OTUD7A: variants seen among roughly 807,000 people sequenced by gnomAD.
OTUD7A encodes the protein OTU deubiquitinase 7A, also known as OTU domain-containing protein 7A.
OTUD7A carries 12 observed loss-of-function variants against 65.7 expected under a neutral mutation model. The observed-to-expected ratio is 0.18, with a 90% CI of 0.12 to 0.30. OTUD7A has a LOEUF of 0.30. Among genes scored for constraint, OTUD7A ranks in the 10% least tolerant of loss-of-function variants. The pLI, the probability that OTUD7A is intolerant of heterozygous loss-of-function variation, is 1.00. For synonymous variants in OTUD7A, 641 were observed against 586.3 expected (o/e 1.09, Z -1.35); for missense variants, 1,148 against 1,304.8 (o/e 0.88, Z 1.85).
chr15:31,593,793 G>T (rs1302764386), intron 3 of OTUD7A, among the ~76,000 whole-genome samples: 1 of 152,186 alleles, frequency 6.6e-6, no homozygotes, highest in African/African-American at 2.4e-5. Flanking sequence ...AGAAATAAAT[G>T]AATTCAGTGG....
At chr15:31,818,046 C>T (rs1896593856) in intron 1 of OTUD7A, among the ~76,000 whole-genome samples, 1 of 152,180 alleles carries the variant, frequency 6.6e-6, no homozygotes, top group African/African-American at 2.4e-5. Flanking sequence ...CCCGTTTGCC[C>T]TTCTATCTCC....
chr15:31,523,578 T>A (rs2041967646), intron 8 of OTUD7A, among the ~76,000 whole-genome samples: 1 of 152,160 alleles, frequency 6.6e-6, no homozygotes, highest in East Asian at 1.9e-4. Context: ...CCTCCCTGAA[T>A]CCATGCCTGG....
rs894341568 is a variant in OTUD7A, at chr15:31,483,835, C to T, written c.2261G>A (p.Gly754Glu). Residue 754 changes from glycine (G) to glutamate (E), a missense_variant, in exon 13 of 13, where the codon GGA (glycine) becomes GAA (glutamate). Coordinates refer to ENST00000307050, the MANE Select transcript of OTUD7A (RefSeq NM_001382637.1). The stretch of plus-strand genomic sequence containing the variant: ...GCTGGCGCTCGCACGCCGCGCGCCT[C>T]CCCCCGGGGAGGCCGTGCCGCCCGC... Reference protein sequence around the residue: ...AAAGGTASPGGGARRASASGP... With the variant: ...AAAGGTASPGEGARRASASGP... 7 of 984,296 alleles carry T rather than the reference C, an allele frequency of 7.1e-6. No individual in the cohort carries two copies. Among genetic ancestry groups the T allele is most frequent in the African/African-American group, 1.8e-5 (1 of 56,020 alleles). 61.0% of individuals were successfully genotyped at this position (984,296 alleles called of 1,614,324 possible).
intron 5 of OTUD7A, among the ~76,000 whole-genome samples, chr15:31,552,105 A>G (rs965484093): frequency 1.3e-5 from 2 of 152,132 alleles, no homozygotes; most frequent in Admixed American, 6.5e-5. Flanking sequence ...GATTGTTAAA[A>G]AGAGTCTGGC....
chr15:31,506,784 G>A (rs1163259012), intron 8 of OTUD7A, among the ~76,000 whole-genome samples: 1 of 152,208 alleles, frequency 6.6e-6, no homozygotes, highest in Non-Finnish European at 1.5e-5. Context: ...GTGCAAGCTG[G>A]ATTGTCCTCA....
intron 3 of OTUD7A, among the ~76,000 whole-genome samples, chr15:31,644,232 C>T (rs1387443344): frequency 6.6e-6 from 1 of 152,126 alleles, no homozygotes; most frequent in Non-Finnish European, 1.5e-5. Flanking sequence ...TTATAAAAAC[C>T]CTTGCATTTC....
At position 31,531,286 on chromosome 15, in the gene OTUD7A, G is replaced by C. The variant is rs986876631; in HGVS notation, c.551-478C>G. ...TTTACATTTAGAGACTTCCACTTCA[G>C]GGAAGATAGATCAGATGTACTTTTT... On this transcript the variant is annotated intron_variant, in intron 5 of 12. Transcript: ENST00000307050. 2.0e-5 allele frequency among the ~76,000 whole-genome samples: 3 copies of C among 151,998 alleles called. No individual in the cohort carries two copies. The East Asian group carries it at 5.8e-4, about 29-fold the overall frequency.
intron 1 of OTUD7A, among the ~76,000 whole-genome samples, chr15:31,790,561 A>G (rs1304998665): frequency 6.6e-6 from 1 of 152,238 alleles, no homozygotes; most frequent in African/African-American, 2.4e-5. Flanking sequence ...AGAAAACAAA[A>G]CAGCTCCCTG....
chr15:31,849,462 C>A (rs1897367666), intron 1 of OTUD7A, among the ~76,000 whole-genome samples: 1 of 152,102 alleles, frequency 6.6e-6, no homozygotes, highest in Non-Finnish European at 1.5e-5. Flanking sequence ...AGAAGAAAAC[C>A]TAGGCAATAC....
intron 1 of OTUD7A, among the ~76,000 whole-genome samples, chr15:31,834,262 T>C (rs1402362943): frequency 6.6e-6 from 1 of 152,176 alleles, no homozygotes; most frequent in African/African-American, 2.4e-5. Context: ...TTCTGCCAAC[T>C]GCCTGGAACA....
chr15:31,511,819 C>T (rs192029596), intron 8 of OTUD7A, among the ~76,000 whole-genome samples: 24 of 148,084 alleles, frequency 1.6e-4, no homozygotes, highest in African/African-American at 5.1e-4. Context: ...GGTTCAACTC[C>T]TCCCCCATGG....
intron 3 of OTUD7A, among the ~76,000 whole-genome samples, chr15:31,572,892 G>A (rs779831000): frequency 6.6e-6 from 1 of 151,062 alleles, no homozygotes; most frequent in Non-Finnish European, 1.5e-5. Context: ...ACCGAGTATA[G>A]GTAAAAAAAT....
chr15:31,593,302 C>G (rs1889805637), intron 3 of OTUD7A, among the ~76,000 whole-genome samples: 3 of 151,862 alleles, frequency 2.0e-5, no homozygotes, highest in African/African-American at 7.3e-5. Context: ...TTCTGTTTCA[C>G]CAGAGAGCCT....
At chr15:31,596,990 T>A (rs1428004599) in intron 3 of OTUD7A, among the ~76,000 whole-genome samples, 5 of 152,178 alleles carry the variant, frequency 3.3e-5, no homozygotes, top group African/African-American at 9.7e-5. Flanking sequence ...AGTGGCATGA[T>A]CTTAGCTCAC....
chr15:31,843,964 AG>A (rs2140997046), intron 1 of OTUD7A, among the ~76,000 whole-genome samples: 1 of 152,300 alleles, frequency 6.6e-6, no homozygotes, highest in East Asian at 1.9e-4. Flanking sequence ...CCATGACCTC[AG>A]GGGAGCAGGG....
At chr15:31,691,029 CAT>C (rs1219982043) in intron 1 of OTUD7A, among the ~76,000 whole-genome samples, 2 of 152,188 alleles carry the variant, frequency 1.3e-5, no homozygotes, top group African/African-American at 4.8e-5. Flanking sequence ...ATTTGCAAAT[CAT>C]ATATCTGATA....
intron 3 of OTUD7A, among the ~76,000 whole-genome samples, chr15:31,602,415 T>C (rs1890105469): frequency 6.6e-6 from 1 of 152,174 alleles, no homozygotes; most frequent in African/African-American, 2.4e-5. Flanking sequence ...CCCTTCATGG[T>C]AAAAACTCTC....
chr15:31,850,015 G>T (rs1205471311), intron 1 of OTUD7A, among the ~76,000 whole-genome samples: 1 of 152,120 alleles, frequency 6.6e-6, no homozygotes, highest in Non-Finnish European at 1.5e-5. Context: ...ATTCCTCAAG[G>T]ATCTAGAACT....
chr15:31,484,449 C>A lies in OTUD7A; in HGVS notation c.1647G>T (p.Lys549Asn), dbSNP rs547619116. ...MGGLGGLVHG[K>N]MGRANSANGK... ...CATTGGCGGAGTTGGCGCGGCCCAT[C>A]TTGCCGTGCACCAGGCCGCCGAGGC... The change falls in exon 13 of 13, where the codon AAG becomes AAT. Residue 549 changes from lysine to asparagine, a missense_variant. Lys to Asn is a moderately conservative substitution (Grantham distance 94). Transcript: ENST00000307050. The surrounding 1 kb of genome is among the most constrained non-coding windows in gnomAD (Gnocchi z 4.5). 6.2e-7 allele frequency: 1 copy of A among 1,604,496 alleles called. No individual in the cohort carries two copies. Among genetic ancestry groups the A allele is most frequent in the Admixed American group, 1.7e-5 (1 of 60,030 alleles).
Sources: gnomAD v4.1 joint callset for allele counts (sites outside exome capture counted in the v4.1 genomes callset) on GRCh38, gnomAD v4.1.1 for gene constraint, Gnocchi (gnomAD v3.1) non-coding constraint, MANE v1.5 for transcripts, NCBI Gene and HGNC (gene_info 2026-07-23, HGNC 2026-07-21) for gene names.